Variants in DPP9 observed in about 807,000 individuals in gnomAD.
The protein encoded by DPP9 is dipeptidyl peptidase IV-related protein-2.
A neutral mutation model predicts 110.7 loss-of-function variants in DPP9; 50 were observed. That is an observed-to-expected ratio of 0.45 (90% confidence interval 0.36 to 0.57). The LOEUF is 0.57. DPP9 is among the 20% of genes least tolerant of loss of function. DPP9 has a pLI of 0.00. For synonymous variants in DPP9, 561 were observed against 514.4 expected, an observed-to-expected ratio of 1.09 and a Z score of -1.23; for missense variants, 1,022 against 1,217.9, an observed-to-expected ratio of 0.84 and a Z score of 2.39.
chr19:4,675,240 G>T lies in DPP9; in HGVS notation c.*1324C>A, dbSNP rs2088713325. 1 of 152,420 alleles carries T rather than the reference G, an allele frequency of 6.6e-6. No individual in the cohort carries two copies. The highest frequency in any genetic ancestry group is 6.6e-5 in the Admixed American group (1 of 15,254). 9.4% of individuals were successfully genotyped at this position (152,420 alleles called of 1,614,324 possible). On this transcript the variant is annotated 3_prime_UTR_variant, in exon 22 of 22. Transcript: ENST00000262960. ...TCAGGCAGGTGACATGTTTCCAACT[G>T]GAATCGTTTAATGTGTCTACTTCTT...
At chr19:4,713,991 A>G in intron 4 of DPP9, 90 bp downstream of exon 4, 2 of 1,466,652 alleles carry the variant, frequency 1.4e-6, no homozygotes, top group African/African-American at 1.4e-5. Flanking sequence ...AGATCTTCCA[A>G]CTCCTGTGGA....
Position 4,693,607 on chromosome 19 carries a change from T to G in DPP9, c.1516+1054A>C, listed in dbSNP as rs968714302. Among the ~76,000 whole-genome samples the G allele has an allele frequency of 6.6e-6, 1 of 152,008 alleles. No individual in the cohort carries two copies. Among genetic ancestry groups the G allele is most frequent in the African/African-American group, 2.4e-5 (1 of 41,394 alleles). On this transcript the variant is annotated intron_variant, in intron 13 of 21. Coordinates refer to ENST00000262960, the MANE Select transcript of DPP9 (RefSeq NM_139159.5). This position sits in a 1 kb window ranked among gnomAD's most constrained non-coding sequence, Gnocchi z 5.0. ...GTGTGGGCTCAGCTGTCCAAGCACA[T>G]CCAGAATCAGACCCACCAGGACAGC... is the stretch of plus-strand genomic sequence containing the variant.
intron 4 of DPP9, among the ~76,000 whole-genome samples, chr19:4,709,020 C>A (rs543863736): frequency 6.6e-6 from 1 of 152,180 alleles, no homozygotes; most frequent in Admixed American, 6.5e-5. Flanking sequence ...TGGGTTCATG[C>A]GACTCTCCTG....
Position 4,685,436 on chromosome 19 carries a change from GCA to G in DPP9, c.2031+188_2031+189del, listed in dbSNP as rs1752652495. 1 of 682,996 alleles carries G rather than the reference GCA, an allele frequency of 1.5e-6. No homozygotes were observed. The highest frequency in any genetic ancestry group is 2.6e-6 in the Non-Finnish European group (1 of 380,446). 42.3% of individuals were successfully genotyped at this position (682,996 alleles called of 1,614,324 possible). ...GGAAGGGCGGGGAGCGTGCAAACGG[GCA>G]CAGAGAAAGGAGGGTGAGGGGCCCC... On this transcript the variant is annotated intron_variant, in intron 17 of 21. Coordinates refer to ENST00000262960, the MANE Select transcript of DPP9 (RefSeq NM_139159.5). This position sits in a 1 kb window ranked among gnomAD's most constrained non-coding sequence, Gnocchi z 5.8.
chr19:4,679,797 G>A (rs1219287532), intron 21 of DPP9, 38 bp downstream of exon 21: 4 of 1,473,472 alleles, frequency 2.7e-6, no homozygotes, highest in South Asian at 1.2e-5. Context: ...GGGATCTGTC[G>A]GCTCGCGGAG....
In DPP9 at chr19:4,700,344, G is replaced by A; in HGVS notation, c.1013-67C>T. On this transcript the variant is annotated intron_variant, in intron 9 of 21. Coordinates refer to ENST00000262960, the MANE Select transcript of DPP9 (RefSeq NM_139159.5). This position sits in a 1 kb window ranked among gnomAD's most constrained non-coding sequence, Gnocchi z 4.3. ...CCGTGTGTGCCGAGAGCCGGCACGG[G>A]GGGCCTGGGCTGTGGGGTGACGTCC... 2.8e-6 allele frequency: 4 copies of A among 1,405,752 alleles called. No individual in the cohort carries two copies. The highest frequency in any genetic ancestry group is 2.5e-5 in the East Asian group (1 of 40,244). The allele number at this position is 1,405,752 out of a possible 1,614,324, so 87.1% of individuals were successfully genotyped here. A position where few individuals can be genotyped will look rare whatever the true frequency, so the allele number is the denominator to read the frequency against.
In DPP9 at chr19:4,691,310, C is replaced by CA. The variant is rs905650905; in HGVS notation, c.1517-354dup. On this transcript the variant is annotated intron_variant, in intron 13 of 21. Transcript: ENST00000262960. Reference sequence around the variant, plus strand: ...GCAACATAGGGAGACCCTGTCTCTCCAAAAAAAAAAGAAAAATTAGCCAGG... The same window carrying CA: ...GCAACATAGGGAGACCCTGTCTCTCCAAAAAAAAAAAGAAAAATTAGCCAGG... Among the ~76,000 whole-genome samples the CA allele has an allele frequency of 5.1e-3, 736 of 144,448 alleles. 6 individuals carry two copies. The highest frequency in any genetic ancestry group is 0.013 in the African/African-American group (513 of 39,456). 94.8% of individuals were successfully genotyped at this position (144,448 alleles called of 152,430 possible). A position where few individuals can be genotyped will look rare whatever the true frequency, so the allele number is the denominator to read the frequency against.
rs1043458056 is a variant in DPP9 at position 4,689,012 on chromosome 19, G to A, written c.1750-120C>T. On this transcript the variant is annotated intron_variant, in intron 15 of 21. Transcript: ENST00000262960. The surrounding 1 kb of genome is among the most constrained non-coding windows in gnomAD (Gnocchi z 7.0). The stretch of plus-strand genomic sequence containing the variant: ...CGCCCCCATCCCTCTGCCCCTGCCT[G>A]TCATGAAACCTCAAAGCTCCACCCG... The A allele has an allele frequency of 1.7e-6, 2 of 1,169,582 alleles. No homozygotes were observed. The highest frequency in any genetic ancestry group is 2.2e-6 in the Non-Finnish European group (2 of 924,006). The allele number at this position is 1,169,582 out of a possible 1,614,324, so 72.5% of individuals were successfully genotyped here.
At chr19:4,678,064 A>G (rs1486565275) in intron 21 of DPP9, among the ~76,000 whole-genome samples, 1 of 150,296 alleles carries the variant, frequency 6.7e-6, no homozygotes, top group Non-Finnish European at 1.5e-5. Flanking sequence ...GTGAGACAGG[A>G]CCCTGGGCCC....
intron 4 of DPP9, among the ~76,000 whole-genome samples, chr19:4,712,490 G>A (rs1159386457): frequency 6.6e-6 from 1 of 152,142 alleles, no homozygotes; most frequent in Non-Finnish European, 1.5e-5. Context: ...TTTCCAGGCT[G>A]CAGTGAGCTG....
rs539079117 is a variant in DPP9 at position 4,700,207 on chromosome 19, C to G, written c.1074+9G>C. ...AGTAGATTATCTGGTATGCAGCAGG[C>G]CCCCTTACCTTGCCCTGGCTGTCAG... On this transcript the variant is annotated intron_variant, in intron 10 of 21. Transcript: ENST00000262960. The surrounding 1 kb of genome is among the most constrained non-coding windows in gnomAD (Gnocchi z 4.3). 22 of 1,569,486 alleles carry G rather than the reference C, an allele frequency of 1.4e-5. No individual in the cohort carries two copies. The highest frequency in any genetic ancestry group is 1.7e-5 in the Admixed American group (1 of 57,564).
chr19:4,684,111 G>A lies in DPP9; in HGVS notation c.2179-482C>T. ...TCACTACTGCGGCCTTCAAGCGACT[G>A]ATCCATGGGGCCCACTCATGTGAAT... is the stretch of plus-strand genomic sequence containing the variant. On this transcript the variant is annotated intron_variant, in intron 18 of 21. Transcript: ENST00000262960. This position sits in a 1 kb window ranked among gnomAD's most constrained non-coding sequence, Gnocchi z 4.8. 3.2e-6 allele frequency: 1 copy of A among 314,922 alleles called. No homozygotes were observed. Among genetic ancestry groups the A allele is most frequent in the Non-Finnish European group, 6.3e-6 (1 of 158,948 alleles). 19.5% of individuals were successfully genotyped at this position (314,922 alleles called of 1,614,324 possible). A position where few individuals can be genotyped will look rare whatever the true frequency, so the allele number is the denominator to read the frequency against.
chr19:4,699,070 A>G (rs2145664307), intron 10 of DPP9, among the ~76,000 whole-genome samples: 2 of 150,698 alleles, frequency 1.3e-5, no homozygotes, highest in South Asian at 4.3e-4. Context: ...GAGGCAGGAG[A>G]ATGGCATGAA....
chr19:4,719,993 G>T (rs2093246371), intron 2 of DPP9, 52 bp from the exon 3 acceptor site: 3 of 1,468,536 alleles, frequency 2.0e-6, no homozygotes, highest in African/African-American at 2.8e-5. Context: ...AGCAGGTGGG[G>T]AGTGGGCGCT....
At chr19:4,719,996 TG>T in intron 2 of DPP9, 55 bp from the exon 3 acceptor site, 1 of 1,438,204 alleles carries the variant, frequency 7.0e-7, no homozygotes, top group Admixed American at 2.0e-5. Context: ...AGGTGGGGAG[TG>T]GGCGCTCCTG....
At chr19:4,721,909 C>G (rs1473515251) in intron 2 of DPP9, among the ~76,000 whole-genome samples, 1 of 152,180 alleles carries the variant, frequency 6.6e-6, no homozygotes, top group African/African-American at 2.4e-5. Flanking sequence ...GGGCTCTGGT[C>G]TCAGAGAGAA....
In DPP9 at chr19:4,722,497, A is replaced by G. The variant is rs1425785246; in HGVS notation, c.-36+2T>C. 1.4e-6 allele frequency: 1 copy of G among 703,030 alleles called. No homozygotes were observed. Among genetic ancestry groups the G allele is most frequent in the Non-Finnish European group, 2.6e-6 (1 of 384,976 alleles). The allele number at this position is 703,030 out of a possible 1,614,324, so 43.5% of individuals were successfully genotyped here. On this transcript the variant is annotated splice_donor_variant, in intron 2 of 21. Transcript: ENST00000262960. LOFTEE classifies it low-confidence loss of function (5UTR_SPLICE). ...TGGCTGCCAAACCCCAGCACAACTG[A>G]CCTTCTAAAGGGTCCAGAGAGCCTC... is the stretch of plus-strand genomic sequence containing the variant.
rs762797927 is a variant in DPP9, at chr19:4,704,096, C to T, written c.600+35G>A. The T allele has an allele frequency of 2.0e-5, 33 of 1,613,422 alleles. No homozygotes were observed. Among genetic ancestry groups the T allele is most frequent in the East Asian group, 4.5e-5 (2 of 44,886 alleles). On this transcript the variant is annotated intron_variant, in intron 6 of 21. Coordinates refer to ENST00000262960, the MANE Select transcript of DPP9 (RefSeq NM_139159.5). The surrounding 1 kb of genome is among the most constrained non-coding windows in gnomAD (Gnocchi z 6.0). Reference sequence around the variant, plus strand: ...CCAGCTCAGGGGGAGGGGCCCTCCACGCCACCCCCGCACACAGCCAGGGCC... The same window carrying T: ...CCAGCTCAGGGGGAGGGGCCCTCCATGCCACCCCCGCACACAGCCAGGGCC...
chr19:4,700,136 C>T lies in DPP9; in HGVS notation c.1074+80G>A, dbSNP rs186789105. ...TGCCCCCGAGAGGGAGGTGAGTGACCTGCCCATCCACCCAGCTGCCTACCC... is the reference window on the plus strand; with the variant it reads ...TGCCCCCGAGAGGGAGGTGAGTGACTTGCCCATCCACCCAGCTGCCTACCC... On this transcript the variant is annotated intron_variant, in intron 10 of 21. Transcript: ENST00000262960. The surrounding 1 kb of genome is among the most constrained non-coding windows in gnomAD (Gnocchi z 4.3). The T allele has an allele frequency of 5.7e-4, 695 of 1,217,854 alleles. 2 individuals are homozygous for T. In the African/African-American group the frequency reaches 9.4e-3, roughly 16 times the overall value. The allele number at this position is 1,217,854 out of a possible 1,614,324, so 75.4% of individuals were successfully genotyped here.
Sources: allele counts gnomAD v4.1 joint callset (sites outside exome capture counted in the v4.1 genomes callset), GRCh38; gene constraint gnomAD v4.1.1; non-coding constraint Gnocchi (gnomAD v3.1); transcripts MANE v1.5; gene names NCBI Gene and HGNC (gene_info 2026-07-23, HGNC 2026-07-21).